HMGCLL1: variants seen among roughly 807,000 people sequenced by gnomAD.
HMGCLL1 encodes 3-hydroxymethyl-3-methylglutaryl-CoA lyase, cytoplasmic.
In HMGCLL1, 36 loss-of-function variants were observed where a neutral mutation model predicts 39.1. That is an observed-to-expected ratio of 0.92 (90% CI 0.71 to 1.22). The LOEUF is 1.22. HMGCLL1 is among the 50% of genes most tolerant of loss of function. The pLI is 0.00. For missense variants in HMGCLL1, 451 were observed against 416.5 expected (o/e 1.08, Z -0.72); for synonymous variants, 149 against 144.0 (o/e 1.03, Z -0.25).
chr6:55,507,138 G>A (rs1291611971), intron 5 of HMGCLL1, among the ~76,000 whole-genome samples: 1 of 151,676 alleles, frequency 6.6e-6, no homozygotes, highest in East Asian at 1.9e-4. Context: ...GTGACCCCAA[G>A]CCATTACTGC....
chr6:55,642,717 G>A, the HMGCLL1 span, among the ~76,000 whole-genome samples: 1 of 151,990 alleles, frequency 6.6e-6, no homozygotes, highest in Non-Finnish European at 1.5e-5. Context: ...TTGTTGTACA[G>A]ATTGTTTTGT....
Position 55,548,592 on chromosome 6 carries a change from A to C in HMGCLL1, c.109-6452T>G, listed in dbSNP as rs112483692. The stretch of plus-strand genomic sequence containing the variant: ...AAATGAGGTTTTTAGCATCTTTACC[A>C]TATGTGTTCACTTACTACTTAAATA... On this transcript the variant is annotated intron_variant, in intron 1 of 8. Coordinates refer to ENST00000274901, the MANE Select transcript of HMGCLL1 (RefSeq NM_001042406.2). 9.5e-3 allele frequency among the ~76,000 whole-genome samples: 1,445 copies of C among 152,164 alleles called. 25 individuals are homozygous for C. The highest frequency in any genetic ancestry group is 0.032 in the African/African-American group (1,335 of 41,570).
At chr6:55,616,995 A>G in the HMGCLL1 span, among the ~76,000 whole-genome samples, 1 of 152,206 alleles carries the variant, frequency 6.6e-6, no homozygotes, top group Non-Finnish European at 1.5e-5. Context: ...CCAGATAAAA[A>G]TAATAAGACA....
At chr6:55,611,384 T>C in the HMGCLL1 span, among the ~76,000 whole-genome samples, 7 of 152,032 alleles carry the variant, frequency 4.6e-5, no homozygotes, top group Non-Finnish European at 1.0e-4. Context: ...CTACCAGAGG[T>C]AAAAAAAGGA....
chr6:55,455,971 T>C (rs550579575), intron 7 of HMGCLL1, among the ~76,000 whole-genome samples: 40 of 152,294 alleles, frequency 2.6e-4, no homozygotes, highest in African/African-American at 7.9e-4. Flanking sequence ...ATTAAGGGCT[T>C]TTGCTATTAT....
At chr6:55,639,461 T>C in the HMGCLL1 span, among the ~76,000 whole-genome samples, 18 of 151,440 alleles carry the variant, frequency 1.2e-4, no homozygotes, top group Non-Finnish European at 2.5e-4. Context: ...AATACTCATA[T>C]TTCTTGTCTT....
At chr6:55,626,173 T>C in the HMGCLL1 span, among the ~76,000 whole-genome samples, 3 of 152,224 alleles carry the variant, frequency 2.0e-5, no homozygotes, top group East Asian at 3.9e-4. Context: ...TTGGACCTCT[T>C]CCATCATGGA....
intron 3 of HMGCLL1, among the ~76,000 whole-genome samples, chr6:55,539,859 GAAGAAAGAAAGAAAGAAAGAAAGAAAGA>G (rs376526008): frequency 8.9e-4 from 56 of 62,838 alleles, no homozygotes; most frequent in African/African-American, 2.5e-3. Context: ...AAAGAAAGAG[GAAGAAAGAAAGAAAGAAAGAAAGAAAGA>G]AAGAAAGAAA....
At chr6:55,556,701 C>T (rs1287938071) in intron 1 of HMGCLL1, among the ~76,000 whole-genome samples, 1 of 152,010 alleles carries the variant, frequency 6.6e-6, no homozygotes, top group Non-Finnish European at 1.5e-5. Flanking sequence ...AGGGCAAAAA[C>T]AAGGAGACTA....
At chr6:55,525,430 C>T (rs1039228602) in intron 3 of HMGCLL1, among the ~76,000 whole-genome samples, 6 of 152,046 alleles carry the variant, frequency 3.9e-5, no homozygotes, top group African/African-American at 1.4e-4. Context: ...TTTGAGCATG[C>T]TTTCGTATAT....
intron 7 of HMGCLL1, among the ~76,000 whole-genome samples, chr6:55,457,461 A>C (rs553754036): frequency 6.6e-6 from 1 of 152,304 alleles, no homozygotes; most frequent in Admixed American, 6.5e-5. Flanking sequence ...CCCCTACTGG[A>C]GACACTGTCC....
At chr6:55,559,245 T>A (rs536190560) in intron 1 of HMGCLL1, among the ~76,000 whole-genome samples, 6 of 152,110 alleles carry the variant, frequency 3.9e-5, no homozygotes, top group Non-Finnish European at 7.4e-5. Context: ...ACAAATATAG[T>A]CCTTTATTTA....
chr6:55,455,617 C>G (rs1043199019), intron 7 of HMGCLL1, among the ~76,000 whole-genome samples: 2 of 152,082 alleles, frequency 1.3e-5, no homozygotes, highest in Non-Finnish European at 2.9e-5. Context: ...AGTTCAAGAT[C>G]ATTATGTGGT....
At chr6:55,448,325 AATATAAAT>A (rs1236747357) in intron 7 of HMGCLL1, among the ~76,000 whole-genome samples, 5 of 149,310 alleles carry the variant, frequency 3.3e-5, no homozygotes, top group Admixed American at 6.7e-5. Context: ...TATATACAAA[AATATAAAT>A]ATATAAATAT....
the HMGCLL1 span, among the ~76,000 whole-genome samples, chr6:55,618,652 A>G: frequency 6.6e-6 from 1 of 152,114 alleles, no homozygotes; most frequent in African/African-American, 2.4e-5. Context: ...GAGCTTACAG[A>G]GAGAAGAGGA....
intron 8 of HMGCLL1, among the ~76,000 whole-genome samples, chr6:55,436,746 A>G (rs1395376434): frequency 6.6e-6 from 1 of 152,064 alleles, no homozygotes; most frequent in Admixed American, 6.6e-5. Context: ...CATAACAATG[A>G]ATATCATTTT....
intron 3 of HMGCLL1, among the ~76,000 whole-genome samples, chr6:55,531,937 T>C (rs564429943): frequency 1.3e-5 from 2 of 152,180 alleles, no homozygotes; most frequent in East Asian, 3.9e-4. Context: ...TGTATAATTA[T>C]TTCATTATAT....
Position 55,579,039 on chromosome 6 carries a change from G to T in HMGCLL1, c.17C>A (p.Ser6Tyr). 6.2e-7 allele frequency: 1 copy of T among 1,612,076 alleles called. No homozygotes were observed. Among genetic ancestry groups the T allele is most frequent in the Non-Finnish European group, 8.5e-7 (1 of 1,179,032 alleles). The change falls in exon 1 of 9, where the codon TCC becomes TAC. Residue 6 changes from serine (S) to tyrosine (Y), a missense_variant. Ser to Tyr is a moderately radical substitution (Grantham distance 144, BLOSUM62 -2). Coordinates refer to ENST00000274901, the MANE Select transcript of HMGCLL1 (RefSeq NM_001042406.2). MGNVP[S>Y]AVKHCLSYQQ... Reference sequence around the variant, plus strand: ...GTAGCTGAGGCAGTGCTTCACCGCGGATGGCACATTCCCCATGGCGGAGCC... The same window carrying T: ...GTAGCTGAGGCAGTGCTTCACCGCGTATGGCACATTCCCCATGGCGGAGCC...
At chr6:55,528,107 C>A (rs945605461) in intron 3 of HMGCLL1, among the ~76,000 whole-genome samples, 1 of 152,034 alleles carries the variant, frequency 6.6e-6, no homozygotes, top group Non-Finnish European at 1.5e-5. Context: ...TGCCCCACCA[C>A]CAACTCTATC....
Sources: allele counts gnomAD v4.1 joint callset (sites outside exome capture counted in the v4.1 genomes callset), GRCh38; gene constraint gnomAD v4.1.1; transcripts MANE v1.5; gene names NCBI Gene and HGNC (gene_info 2026-07-23, HGNC 2026-07-21).